Variants in CYP39A1 observed in about 807,000 individuals in gnomAD.
CYP39A1 encodes cytochrome P450 family 39 subfamily A member 1.
In CYP39A1, 49 loss-of-function variants were observed where a neutral mutation model predicts 58.1. That is an observed-to-expected ratio of 0.84 (90% CI 0.67 to 1.07). CYP39A1 has a LOEUF of 1.07. Ranked by LOEUF, CYP39A1 falls within the 50% of genes least tolerant of loss-of-function variation. CYP39A1 has a pLI of 0.00. For synonymous variants in CYP39A1, 209 were observed against 187.6 expected (o/e 1.11, Z -0.93); for missense variants, 531 against 539.4 (o/e 0.98, Z 0.16).
intron 10 of CYP39A1, 115 bp from the exon 11 acceptor site, chr6:46,553,969 A>C: frequency 1.5e-6 from 1 of 682,486 alleles, no homozygotes; most frequent in Non-Finnish European, 2.5e-6. Context: ...TCTTTACAAT[A>C]TACTCTTTTC....
chr6:46,631,105 C>T (rs1775633082), intron 5 of CYP39A1, 35 bp from the exon 6 acceptor site: 2 of 1,454,140 alleles, frequency 1.4e-6, no homozygotes, highest in Non-Finnish European at 1.9e-6. Context: ...CAAACCATGG[C>T]TATGTGACAA....
rs201428193 is a variant in CYP39A1, at chr6:46,588,018, G to C, written c.1161+16C>G. The C allele has an allele frequency of 7.0e-7, 1 of 1,430,444 alleles. No individual in the cohort carries two copies. Among genetic ancestry groups the C allele is most frequent in the African/African-American group, 1.4e-5 (1 of 69,452 alleles). 88.6% of individuals were successfully genotyped at this position (1,430,444 alleles called of 1,614,324 possible). A position where few individuals can be genotyped will look rare whatever the true frequency, so the allele number is the denominator to read the frequency against. Reference sequence around the variant, plus strand: ...TTAAAATGAAAGAATAATATATACTGAAAGAGATAACTTACAGGTTTGAAC... The same window carrying C: ...TTAAAATGAAAGAATAATATATACTCAAAGAGATAACTTACAGGTTTGAAC... On this transcript the variant is annotated intron_variant, in intron 9 of 11. Transcript: ENST00000275016.
In CYP39A1 at chr6:46,556,761, TA is replaced by T. The variant is rs371003567; in HGVS notation, c.1251-2908del. Among the ~76,000 whole-genome samples the T allele has an allele frequency of 2.1e-3, 315 of 152,292 alleles. 3 individuals carry two copies. The Middle Eastern group carries it at 0.041, about 20-fold the overall frequency. On this transcript the variant is annotated intron_variant, in intron 10 of 11. Transcript: ENST00000275016. ...TTTCTAAGCAACTAACTGCATGTCA[TA>T]ATGAGGTCTAAACTAAAAGAATACA... is the stretch of plus-strand genomic sequence containing the variant.
intron 10 of CYP39A1, among the ~76,000 whole-genome samples, chr6:46,580,759 T>C (rs1772089829): frequency 6.6e-6 from 1 of 152,170 alleles, no homozygotes; most frequent in African/African-American, 2.4e-5. Flanking sequence ...TGTTCAACAT[T>C]ACCAATCGTT....
intron 3 of CYP39A1, 125 bp from the exon 4 acceptor site, chr6:46,638,103 G>A (rs1482966709): frequency 1.1e-6 from 1 of 946,374 alleles, no homozygotes; most frequent in Non-Finnish European, 1.5e-6. Flanking sequence ...AGATTCTCTT[G>A]GGAAAAAGTC....
At chr6:46,649,990 C>T (rs960458762) in intron 1 of CYP39A1, among the ~76,000 whole-genome samples, 3 of 152,052 alleles carry the variant, frequency 2.0e-5, no homozygotes, top group Non-Finnish European at 4.4e-5. Context: ...GTGTCTTATG[C>T]AGGTGCCATT....
At chr6:46,576,917 A>G (rs1771876023) in intron 10 of CYP39A1, among the ~76,000 whole-genome samples, 1 of 152,236 alleles carries the variant, frequency 6.6e-6, no homozygotes, top group African/African-American at 2.4e-5. Context: ...CTTGGAAAAC[A>G]TATTTCAGGA....
intron 10 of CYP39A1, among the ~76,000 whole-genome samples, chr6:46,560,667 A>C (rs1770926070): frequency 6.6e-6 from 1 of 152,206 alleles, no homozygotes; most frequent in Non-Finnish European, 1.5e-5. Flanking sequence ...GGATTCATTC[A>C]GGGTCAGAGA....
chr6:46,600,010 G>A (rs1056518821), intron 7 of CYP39A1, among the ~76,000 whole-genome samples: 6 of 152,112 alleles, frequency 3.9e-5, no homozygotes, highest in African/African-American at 1.4e-4. Flanking sequence ...TATATATTTG[G>A]TCTGTGGTTC....
intron 1 of CYP39A1, among the ~76,000 whole-genome samples, chr6:46,650,607 A>T (rs1348191895): frequency 6.9e-6 from 1 of 145,752 alleles, no homozygotes; most frequent in Non-Finnish European, 1.5e-5. Context: ...GAGCTCAAGC[A>T]ATCCTCCCGC....
At chr6:46,559,389 A>G (rs1393685355) in intron 10 of CYP39A1, among the ~76,000 whole-genome samples, 1 of 152,214 alleles carries the variant, frequency 6.6e-6, no homozygotes, top group Non-Finnish European at 1.5e-5. Flanking sequence ...AAGGTTAGGA[A>G]AAAGGAACCT....
chr6:46,612,350 G>A (rs1774267433), intron 7 of CYP39A1, among the ~76,000 whole-genome samples: 2 of 152,208 alleles, frequency 1.3e-5, no homozygotes, highest in Admixed American at 1.3e-4. Context: ...AAAATCACAA[G>A]TTATGAGTTC....
At chr6:46,570,241 G>C (rs1409057035) in intron 10 of CYP39A1, among the ~76,000 whole-genome samples, 1 of 152,026 alleles carries the variant, frequency 6.6e-6, no homozygotes, top group East Asian at 1.9e-4. Context: ...CAGTCTACCA[G>C]AAGATATATC....
intron 10 of CYP39A1, chr6:46,583,278 TTGCACAA>T (rs768918929): frequency 9.1e-6 from 9 of 985,212 alleles, no homozygotes; most frequent in Admixed American, 1.2e-4. Context: ...CCATATCAAT[TTGCACAA>T]TGACACAGCA....
At chr6:46,604,719 C>T (rs928225579) in intron 7 of CYP39A1, among the ~76,000 whole-genome samples, 2 of 152,140 alleles carry the variant, frequency 1.3e-5, no homozygotes, top group African/African-American at 4.8e-5. Flanking sequence ...GGTTATATGG[C>T]ACCCATTTTT....
At chr6:46,555,155 C>G (rs1231387946) in intron 10 of CYP39A1, among the ~76,000 whole-genome samples, 2 of 152,156 alleles carry the variant, frequency 1.3e-5, no homozygotes, top group African/African-American at 4.8e-5. Flanking sequence ...CTCCTCTCCC[C>G]CAGAGCTCCC....
rs1775252342 is a variant in CYP39A1 at position 46,625,420 on chromosome 6, G to A, written c.929C>T (p.Ala310Val). ...TCCTATATAATAAGGTTTAGTACCT[G>A]CTTTGCCAAACACAGAAGATATGCC... ...MEGISSVFGKAGKDKIKVSED... is the reference protein window; with the variant it reads ...MEGISSVFGKVGKDKIKVSED... Residue 310 changes from alanine to valine, a missense_variant and splice_region_variant, in exon 7 of 12, where the codon GCA (alanine) becomes GTA (valine). Coordinates refer to ENST00000275016, the MANE Select transcript of CYP39A1 (RefSeq NM_016593.5). 2 of 1,604,284 alleles carry A rather than the reference G, an allele frequency of 1.2e-6. No individual in the cohort carries two copies. The highest frequency in any genetic ancestry group is 2.7e-5 in the African/African-American group (2 of 74,812).
chr6:46,644,800 T>C (rs1762209750), intron 1 of CYP39A1, among the ~76,000 whole-genome samples: 2 of 152,208 alleles, frequency 1.3e-5, no homozygotes, highest in Non-Finnish European at 2.9e-5. Flanking sequence ...TCCTCACCAA[T>C]ATTTGGTGTT....
chr6:46,647,776 C>A (rs1040152522), intron 1 of CYP39A1, among the ~76,000 whole-genome samples: 1 of 152,120 alleles, frequency 6.6e-6, no homozygotes, highest in Non-Finnish European at 1.5e-5. Flanking sequence ...TAAATGTCTT[C>A]TTTTGAGAAG....
Sources: gnomAD v4.1 joint callset for allele counts (sites outside exome capture counted in the v4.1 genomes callset) on GRCh38, gnomAD v4.1.1 for gene constraint, MANE v1.5 for transcripts, NCBI Gene and HGNC (gene_info 2026-07-23, HGNC 2026-07-21) for gene names.